Variants in WWOX observed in about 807,000 individuals in gnomAD.
The protein encoded by WWOX is WW domain containing oxidoreductase.
WWOX carries 69 observed loss-of-function variants against 46.2 expected under a neutral mutation model. The ratio of observed to expected loss-of-function variants is 1.49; its 90% confidence interval spans 1.23 to 1.82. The LOEUF (loss-of-function observed/expected upper bound fraction) is 1.82. Among genes scored for constraint, WWOX ranks in the 40% most tolerant of loss-of-function variants. WWOX has a pLI of 0.00. For missense variants in WWOX, 919 were observed against 542.6 expected, an observed-to-expected ratio of 1.69 and a Z score of -6.89; for synonymous variants, 359 against 202.6, an observed-to-expected ratio of 1.77 and a Z score of -6.56.
At chr16:78,238,463 C>G (rs1186887299) in intron 5 of WWOX, among the ~76,000 whole-genome samples, 1 of 152,016 alleles carries the variant, frequency 6.6e-6, no homozygotes, top group East Asian at 1.9e-4. Context: ...CCATACCCAG[C>G]CAATTTTTGT....
chr16:78,129,416 G>C (rs926510075), intron 4 of WWOX, among the ~76,000 whole-genome samples: 1 of 152,180 alleles, frequency 6.6e-6, no homozygotes, highest in Non-Finnish European at 1.5e-5. Flanking sequence ...ATTATAGGCA[G>C]TCATAACACA....
chr16:78,370,473 G>A (rs139109256), intron 5 of WWOX, among the ~76,000 whole-genome samples: 1,547 of 143,236 alleles, frequency 0.011, 34 homozygotes, highest in Non-Finnish European at 9.9e-3. Flanking sequence ...TATGAGAGAC[G>A]TATGCTGGGG....
At chr16:78,388,028 C>G (rs1286449910) in intron 6 of WWOX, among the ~76,000 whole-genome samples, 4 of 152,080 alleles carry the variant, frequency 2.6e-5, no homozygotes, top group Admixed American at 2.0e-4. Context: ...GGAGCTGACA[C>G]CACACTGCTG....
chr16:78,693,782 A>G (rs957332779), intron 8 of WWOX, among the ~76,000 whole-genome samples: 1 of 152,152 alleles, frequency 6.6e-6, no homozygotes, highest in Non-Finnish European at 1.5e-5. Flanking sequence ...AAGGCTGAGA[A>G]TTGTTGATCT....
At position 78,382,863 on chromosome 16, in the gene WWOX, A is replaced by G. The variant is rs537708757; in HGVS notation, c.517-3997A>G. On this transcript the variant is annotated intron_variant, in intron 5 of 8. Transcript: ENST00000566780. ...TGTGTTAGTTCCTTCTCACACTGCT[A>G]TATAAACATACCTGAGACTGTGTAA... Among the ~76,000 whole-genome samples the G allele has an allele frequency of 7.9e-5, 12 of 151,804 alleles. No homozygotes were observed. In the East Asian group the frequency reaches 1.4e-3, roughly 17 times the overall value.
chr16:79,101,620 C>G (rs2049195475), intron 8 of WWOX: 1 of 152,034 alleles, frequency 6.6e-6, no homozygotes, highest in Non-Finnish European at 1.5e-5. Flanking sequence ...AAGTAGTCCT[C>G]TGAAATACAT....
At chr16:78,114,928 A>G (rs995732701) in intron 3 of WWOX, 48 bp from the exon 4 acceptor site, 3 of 1,611,858 alleles carry the variant, frequency 1.9e-6, no homozygotes, top group Non-Finnish European at 2.5e-6. Context: ...TATATTTATA[A>G]ATGCCTGTGT....
At chr16:78,981,097 G>A (rs2046672549) in intron 8 of WWOX, among the ~76,000 whole-genome samples, 1 of 152,192 alleles carries the variant, frequency 6.6e-6, no homozygotes, top group African/African-American at 2.4e-5. Context: ...AGTTCTTCCT[G>A]TGGAGTCCCA....
At chr16:78,373,203 G>C (rs1371347297) in intron 5 of WWOX, among the ~76,000 whole-genome samples, 1 of 152,010 alleles carries the variant, frequency 6.6e-6, no homozygotes, top group South Asian at 2.1e-4. Context: ...GACTCAATAG[G>C]TACTAGATCT....
intron 8 of WWOX, among the ~76,000 whole-genome samples, chr16:79,042,187 G>C (rs75119336): frequency 6.6e-6 from 1 of 152,110 alleles, no homozygotes; most frequent in Admixed American, 6.5e-5. Context: ...GTGATTGAGT[G>C]CCCTAGCTGG....
chr16:78,831,349 C>G (rs757686534), intron 8 of WWOX, among the ~76,000 whole-genome samples: 1 of 152,186 alleles, frequency 6.6e-6, no homozygotes, highest in Non-Finnish European at 1.5e-5. Flanking sequence ...CAAGATGTAT[C>G]CTAAAAGCTC....
chr16:78,952,004 C>G (rs11859324), intron 8 of WWOX, among the ~76,000 whole-genome samples: 1 of 152,154 alleles, frequency 6.6e-6, no homozygotes, highest in Admixed American at 6.5e-5. Context: ...TCTTCCCACC[C>G]TCAGATAAAC....
intron 5 of WWOX, among the ~76,000 whole-genome samples, chr16:78,176,668 C>G (rs1011915448): frequency 6.6e-6 from 1 of 152,072 alleles, no homozygotes; most frequent in Non-Finnish European, 1.5e-5. Context: ...GGAAAATAAA[C>G]AAATGAAATG....
rs143298779 is a variant in WWOX at position 78,369,753 on chromosome 16, C to T, written c.517-17107C>T. Among the ~76,000 whole-genome samples, 232 of 152,110 alleles carry T rather than the reference C, an allele frequency of 1.5e-3. 1 individual carries two copies. The highest frequency in any genetic ancestry group is 5.0e-3 in the African/African-American group (208 of 41,510). On this transcript the variant is annotated intron_variant, in intron 5 of 8. Transcript: ENST00000566780. ...CCCAATTGTTAAAATCCAACAAATACGTTGCTTGTGGATACAGTTGTGTAT... is the reference window on the plus strand; with the variant it reads ...CCCAATTGTTAAAATCCAACAAATATGTTGCTTGTGGATACAGTTGTGTAT...
chr16:78,636,591 C>T (rs777998098), intron 8 of WWOX, among the ~76,000 whole-genome samples: 4 of 152,130 alleles, frequency 2.6e-5, no homozygotes, highest in Non-Finnish European at 4.4e-5. Context: ...ACCCTCTTTT[C>T]TCTCACTCCA....
chr16:78,746,563 T>C (rs2049351610), intron 8 of WWOX, among the ~76,000 whole-genome samples: 2 of 152,144 alleles, frequency 1.3e-5, no homozygotes, highest in Admixed American at 6.5e-5. Context: ...AAATGAACTT[T>C]CTTGCTCCTG....
intron 8 of WWOX, among the ~76,000 whole-genome samples, chr16:79,056,372 C>A (rs148914174): frequency 6.6e-6 from 1 of 152,280 alleles, no homozygotes; most frequent in Non-Finnish European, 1.5e-5. Flanking sequence ...GGAGGAGTTA[C>A]CTTGGACCCA....
At chr16:78,354,771 G>C (rs757032372) in intron 5 of WWOX, among the ~76,000 whole-genome samples, 1 of 151,764 alleles carries the variant, frequency 6.6e-6, no homozygotes, top group African/African-American at 2.4e-5. Flanking sequence ...TCATGTTTTT[G>C]GGTTTTTCTA....
At chr16:78,208,489 G>A (rs2036463449) in intron 5 of WWOX, among the ~76,000 whole-genome samples, 1 of 152,162 alleles carries the variant, frequency 6.6e-6, no homozygotes, top group Admixed American at 6.5e-5. Flanking sequence ...ACCTGTTATG[G>A]AATATGAATA....
Sources: allele counts gnomAD v4.1 joint callset (sites outside exome capture counted in the v4.1 genomes callset), GRCh38; gene constraint gnomAD v4.1.1; transcripts MANE v1.5; gene names NCBI Gene and HGNC (gene_info 2026-07-23, HGNC 2026-07-21).